Variants in CYP4Z1 observed in about 807,000 individuals in gnomAD.
CYP4Z1 encodes the protein cytochrome P450 family 4 subfamily Z member 1.
In CYP4Z1, 41 loss-of-function variants were observed where a neutral mutation model predicts 54.2. The observed-to-expected ratio is 0.76, with a 90% CI of 0.59 to 0.98. The LOEUF (loss-of-function observed/expected upper bound fraction) is 0.98, where lower values mean the gene tolerates loss of function less well. CYP4Z1 is among the 50% of genes least tolerant of loss of function. The pLI is 0.00. For synonymous variants in CYP4Z1, 163 were observed against 206.2 expected (o/e 0.79, Z 1.79); for missense variants, 513 against 599.0 (o/e 0.86, Z 1.50).
chr1:47,112,345 A>T (rs1251970934), intron 9 of CYP4Z1, among the ~76,000 whole-genome samples: 1 of 152,248 alleles, frequency 6.6e-6, no homozygotes, highest in Non-Finnish European at 1.5e-5. Context: ...GCCAATTTTC[A>T]CAGGACTAGA....
chr1:47,103,652 T>C (rs559055612), intron 8 of CYP4Z1, among the ~76,000 whole-genome samples: 3 of 145,984 alleles, frequency 2.1e-5, no homozygotes, highest in African/African-American at 7.5e-5. Flanking sequence ...TGGAGTGCAA[T>C]GGCACGATCT....
intron 9 of CYP4Z1, among the ~76,000 whole-genome samples, chr1:47,108,578 A>C (rs1262582139): frequency 6.6e-6 from 1 of 152,104 alleles, no homozygotes; most frequent in African/African-American, 2.4e-5. Context: ...ACACATTGTC[A>C]TCACTCTCTA....
intron 2 of CYP4Z1, among the ~76,000 whole-genome samples, chr1:47,077,836 C>T (rs1244491979): frequency 6.6e-6 from 1 of 151,932 alleles, no homozygotes; most frequent in Non-Finnish European, 1.5e-5. Context: ...CCAGGCTGGT[C>T]TCAAACTGCT....
At chr1:47,097,235 C>T (rs917199220) in intron 7 of CYP4Z1, 1 of 152,118 alleles carries the variant, frequency 6.6e-6, no homozygotes, top group African/African-American at 2.4e-5. Flanking sequence ...AAGTTGATTC[C>T]ATGTCTTTGC....
At position 47,079,231 on chromosome 1, in the gene CYP4Z1, G is replaced by A. The variant is rs147474462; in HGVS notation, c.320-1392G>A. 5.0e-3 allele frequency among the ~76,000 whole-genome samples: 763 copies of A among 152,248 alleles called. 4 individuals carry two copies. Among genetic ancestry groups the A allele is most frequent in the African/African-American group, 0.017 (711 of 41,544 alleles). ...GGCTGCCATCTTCAAGATTGCCATGGTACTGGAGAGGGATGTGGGGCAAGG... is the reference window on the plus strand; with the variant it reads ...GGCTGCCATCTTCAAGATTGCCATGATACTGGAGAGGGATGTGGGGCAAGG... On this transcript the variant is annotated intron_variant, in intron 2 of 11. Coordinates refer to ENST00000334194, the MANE Select transcript of CYP4Z1 (RefSeq NM_178134.3).
chr1:47,080,236 C>A (rs1644553290), intron 2 of CYP4Z1, among the ~76,000 whole-genome samples: 1 of 119,400 alleles, frequency 8.4e-6, no homozygotes, highest in Non-Finnish European at 1.7e-5. Context: ...AAGTCATGTT[C>A]CTGTGTCTAG....
At chr1:47,087,584 G>A (rs534770228) in intron 6 of CYP4Z1, among the ~76,000 whole-genome samples, 2 of 152,278 alleles carry the variant, frequency 1.3e-5, no homozygotes, top group East Asian at 1.9e-4. Flanking sequence ...TCAGCTTAAG[G>A]AGATTTTGGG....
chr1:47,084,089 G>T (rs1471397134), intron 4 of CYP4Z1, among the ~76,000 whole-genome samples: 1 of 152,114 alleles, frequency 6.6e-6, no homozygotes, highest in South Asian at 2.1e-4. Flanking sequence ...GTCCAAGGGG[G>T]TAAATAACAT....
intron 9 of CYP4Z1, among the ~76,000 whole-genome samples, chr1:47,109,511 A>C (rs917412680): frequency 3.3e-5 from 5 of 152,236 alleles, no homozygotes; most frequent in African/African-American, 1.2e-4. Flanking sequence ...TTAACTTTTA[A>C]TTTAGAGCCT....
intron 2 of CYP4Z1, among the ~76,000 whole-genome samples, chr1:47,076,801 C>T (rs1207017040): frequency 5.1e-5 from 7 of 138,028 alleles, no homozygotes; most frequent in South Asian, 2.6e-4. Context: ...GCCGAGATCG[C>T]GCCCCTGCAC....
At chr1:47,102,743 T>C (rs559718686) in intron 8 of CYP4Z1, among the ~76,000 whole-genome samples, 69 of 152,318 alleles carry the variant, frequency 4.5e-4, no homozygotes, top group Non-Finnish European at 7.9e-4. Flanking sequence ...GTTCTCTTGT[T>C]GTTTTTAGCA....
the CYP4Z1 span, among the ~76,000 whole-genome samples, chr1:47,061,664 C>G: frequency 1.3e-5 from 2 of 152,296 alleles, no homozygotes; most frequent in South Asian, 2.1e-4. Context: ...AGGAGGGACT[C>G]TGCTCTAGCT....
intron 10 of CYP4Z1, among the ~76,000 whole-genome samples, chr1:47,116,019 G>T (rs1222520951): frequency 1.3e-5 from 2 of 152,094 alleles, no homozygotes; most frequent in Non-Finnish European, 2.9e-5. Context: ...TAGTCTCTAG[G>T]AATATCACTC....
chr1:47,077,969 T>A (rs1225787478), intron 2 of CYP4Z1, among the ~76,000 whole-genome samples: 1 of 152,152 alleles, frequency 6.6e-6, no homozygotes, highest in Non-Finnish European at 1.5e-5. Flanking sequence ...CCTACTTTGG[T>A]GTTTAATTGA....
chr1:47,091,745 T>A (rs1424574106), intron 6 of CYP4Z1, among the ~76,000 whole-genome samples: 3 of 149,904 alleles, frequency 2.0e-5, no homozygotes, highest in African/African-American at 7.3e-5. Context: ...TTCCTAGGGT[T>A]AACCTGGAGG....
intron 9 of CYP4Z1, among the ~76,000 whole-genome samples, chr1:47,110,212 A>T (rs560198139): frequency 2.0e-5 from 3 of 148,130 alleles, no homozygotes; most frequent in African/African-American, 7.5e-5. Flanking sequence ...CTCAGTGGAG[A>T]GGGACATGGC....
Position 47,084,736 on chromosome 1 carries a change from G to C in CYP4Z1, c.609G>C (p.Gln203His). The change falls in exon 5 of 12, where the codon CAG becomes CAC. Residue 203 changes from glutamine to histidine, a missense_variant. By Grantham distance (24) the Gln-to-His change is conservative (BLOSUM62 0). Transcript: ENST00000334194. ...CCTTCAGCCACCAGGGCAGCATCCA[G>C]TTGGACAGGTCAGTGACAAAAGGAA... ...KCAFSHQGSI[Q>H]LDSTLDSYLK... 3 of 1,613,322 alleles carry C rather than the reference G, an allele frequency of 1.9e-6. No individual in the cohort carries two copies. Among genetic ancestry groups the C allele is most frequent in the African/African-American group, 2.7e-5 (2 of 74,966 alleles).
At chr1:47,114,762 G>C (rs1189028207) in intron 9 of CYP4Z1, among the ~76,000 whole-genome samples, 1 of 152,194 alleles carries the variant, frequency 6.6e-6, no homozygotes, top group Admixed American at 6.5e-5. Context: ...TCTCACACCA[G>C]TTAGAAAGGC....
chr1:47,096,855 C>T (rs1644681760), intron 7 of CYP4Z1: 1 of 152,152 alleles, frequency 6.6e-6, no homozygotes, highest in African/African-American at 2.4e-5. Context: ...GTCTCAAACT[C>T]CTGACCTCAA....
Sources: gnomAD v4.1 joint callset for allele counts (sites outside exome capture counted in the v4.1 genomes callset) on GRCh38, gnomAD v4.1.1 for gene constraint, MANE v1.5 for transcripts, NCBI Gene and HGNC (gene_info 2026-07-23, HGNC 2026-07-21) for gene names.